Variants in OR7C1 observed in about 807,000 individuals in gnomAD.
OR7C1 encodes the protein olfactory receptor family 7 subfamily C member 1, also known as olfactory receptor 7C1.
For synonymous variants in OR7C1, 152 were observed against 160.7 expected (o/e 0.95, Z 0.41); for missense variants, 324 against 383.3 (o/e 0.85, Z 1.29).
chr19:14,830,776 C>T (rs2044823817), intron 1 of OR7C1, among the ~76,000 whole-genome samples: 1 of 152,040 alleles, frequency 6.6e-6, no homozygotes, highest in Non-Finnish European at 1.5e-5. Context: ...CAGGGAAAAA[C>T]AAAAAGAGAA....
At chr19:14,822,089 T>G (rs553984071) in intron 1 of OR7C1, among the ~76,000 whole-genome samples, 1 of 152,354 alleles carries the variant, frequency 6.6e-6, no homozygotes, top group African/African-American at 2.4e-5. Context: ...CCACGTATTC[T>G]TGATCTATTC....
intron 2 of OR7C1, 38 bp downstream of exon 2, chr19:14,809,768 C>A (rs2044682470): frequency 6.6e-6 from 1 of 152,192 alleles, no homozygotes; most frequent in African/African-American, 2.4e-5. Flanking sequence ...TTAATAAAAG[C>A]TTTTCTTCCC....
chr19:14,835,143 G>C (rs2044872390), exon 1 of OR7C1: 1 of 152,112 alleles, frequency 6.6e-6, no homozygotes, highest in South Asian at 2.1e-4. Flanking sequence ...ATTGATGGTG[G>C]AGACTGAAGC....
At chr19:14,801,294 C>A (rs2044640718) in intron 2 of OR7C1, among the ~76,000 whole-genome samples, 1 of 152,168 alleles carries the variant, frequency 6.6e-6, no homozygotes, top group Admixed American at 6.5e-5. Flanking sequence ...CTCAGCTATT[C>A]CAACCTTTGT....
intron 1 of OR7C1, among the ~76,000 whole-genome samples, chr19:14,819,396 C>G (rs533791370): frequency 6.6e-6 from 1 of 152,156 alleles, no homozygotes; most frequent in South Asian, 2.1e-4. Context: ...CTTCAGCTCC[C>G]AGTTATAAGT....
At chr19:14,806,505 C>T (rs187763985) in intron 2 of OR7C1, among the ~76,000 whole-genome samples, 1 of 151,954 alleles carries the variant, frequency 6.6e-6, no homozygotes, top group African/African-American at 2.4e-5. Flanking sequence ...GCCCTGCATG[C>T]ATTAGCTATT....
chr19:14,834,862 C>G (rs2044869817), intron 1 of OR7C1, among the ~76,000 whole-genome samples: 1 of 152,198 alleles, frequency 6.6e-6, no homozygotes, highest in Non-Finnish European at 1.5e-5. Context: ...ATAGTCGTCA[C>G]CCTTGCATTG....
In OR7C1 at chr19:14,811,471, G is replaced by A. The variant is rs546624984; in HGVS notation, c.-622-1478C>T. Among the ~76,000 whole-genome samples the A allele has an allele frequency of 3.9e-5, 6 of 152,056 alleles. No individual in the cohort carries two copies. In the South Asian group the frequency reaches 8.4e-4, roughly 21 times the overall value. On this transcript the variant is annotated intron_variant, in intron 1 of 4. Coordinates refer to ENST00000641666, the Ensembl canonical transcript of OR7C1. ...TGTCATTGAATTTAAGGTCCACCTGGATAATCCAGGATGATCTCATCTCAG... is the reference window on the plus strand; with the variant it reads ...TGTCATTGAATTTAAGGTCCACCTGAATAATCCAGGATGATCTCATCTCAG...
chr19:14,817,377 A>T (rs2044720876), intron 1 of OR7C1, among the ~76,000 whole-genome samples: 1 of 152,212 alleles, frequency 6.6e-6, no homozygotes, highest in South Asian at 2.1e-4. Context: ...GATCTACTTT[A>T]AAAAATAGTG....
chr19:14,828,251 G>A, intron 1 of OR7C1: 1 of 1,603,710 alleles, frequency 6.2e-7, no homozygotes, highest in Non-Finnish European at 8.5e-7. Context: ...TTTGATTGAA[G>A]TGACTATCAG....
At chr19:14,828,273 G>A (rs571545351) in intron 1 of OR7C1, 2 of 1,567,848 alleles carry the variant, frequency 1.3e-6, no homozygotes, top group Non-Finnish European at 1.7e-6. Flanking sequence ...GAGAGAGAGA[G>A]AAAGAGGGAA....
At chr19:14,801,460 A>G (rs2044641404) in intron 2 of OR7C1, among the ~76,000 whole-genome samples, 1 of 152,264 alleles carries the variant, frequency 6.6e-6, no homozygotes, top group African/African-American at 2.4e-5. Context: ...ATGCTTTAAA[A>G]AAATATTTTG....
chr19:14,822,560 T>A (rs1305185604), intron 1 of OR7C1, among the ~76,000 whole-genome samples: 5 of 151,844 alleles, frequency 3.3e-5, no homozygotes, highest in Non-Finnish European at 7.4e-5. Flanking sequence ...ATTTTTGTAT[T>A]TTTAGTAGAG....
chr19:14,817,862 T>C (rs1185159069), intron 1 of OR7C1, among the ~76,000 whole-genome samples: 1 of 152,066 alleles, frequency 6.6e-6, no homozygotes, highest in African/African-American at 2.4e-5. Context: ...CAGTTCATAG[T>C]CAAGGAGTTT....
At chr19:14,825,535 C>T (rs939452702) in intron 1 of OR7C1, 12 of 152,142 alleles carry the variant, frequency 7.9e-5, no homozygotes, top group African/African-American at 2.9e-4. Flanking sequence ...ATTGAGTGTC[C>T]CTCAAGGGAA....
At chr19:14,819,265 C>G (rs756240010) in intron 1 of OR7C1, among the ~76,000 whole-genome samples, 1 of 151,932 alleles carries the variant, frequency 6.6e-6, no homozygotes. Flanking sequence ...CAACCCATCA[C>G]CTAGGTATTA....
At chr19:14,812,761 G>C (rs2044697385) in intron 1 of OR7C1, among the ~76,000 whole-genome samples, 1 of 151,840 alleles carries the variant, frequency 6.6e-6, no homozygotes. Flanking sequence ...CATTTTATGA[G>C]GCAAAAGTTA....
chr19:14,831,400 T>C (rs1421465998), intron 1 of OR7C1, among the ~76,000 whole-genome samples: 1 of 152,142 alleles, frequency 6.6e-6, no homozygotes, highest in Non-Finnish European at 1.5e-5. Flanking sequence ...AGTCCCTTTC[T>C]CACTTTTCTT....
intron 1 of OR7C1, among the ~76,000 whole-genome samples, chr19:14,828,684 C>T (rs752385311): frequency 7.0e-5 from 10 of 142,510 alleles, no homozygotes; most frequent in South Asian, 2.2e-4. Context: ...CTCTTGACCC[C>T]GGGAGGCAGA....
Sources: allele counts gnomAD v4.1 joint callset (sites outside exome capture counted in the v4.1 genomes callset), GRCh38; gene constraint gnomAD v4.1.1; transcripts MANE v1.5; gene names NCBI Gene and HGNC (gene_info 2026-07-23, HGNC 2026-07-21).